Variants in KCND3 observed in about 807,000 individuals in gnomAD.
The protein encoded by KCND3 is potassium voltage-gated channel subfamily D member 3, also known as A-type voltage-gated potassium channel KCND3.
In KCND3, 9 loss-of-function variants were observed where a neutral mutation model predicts 51.1. The ratio of observed to expected loss-of-function variants is 0.18; its 90% CI spans 0.11 to 0.31. The LOEUF is 0.31. Among genes scored for constraint, KCND3 ranks in the 10% least tolerant of loss-of-function variants. The pLI is 1.00. For synonymous variants in KCND3, 349 were observed against 368.0 expected (o/e 0.95, Z 0.59); for missense variants, 526 against 903.8 (o/e 0.58, Z 5.36).
intron 2 of KCND3, among the ~76,000 whole-genome samples, chr1:111,902,946 T>C (rs1433201218): frequency 1.3e-5 from 2 of 152,216 alleles, no homozygotes; most frequent in African/African-American, 4.8e-5. Context: ...TAAAGATCCG[T>C]ATTTACATAT....
At chr1:111,889,610 A>G (rs114971571) in intron 2 of KCND3, among the ~76,000 whole-genome samples, 1 of 152,286 alleles carries the variant, frequency 6.6e-6, no homozygotes, top group African/African-American at 2.4e-5. Flanking sequence ...CCCAGGAGAC[A>G]GGTCTATGCC....
intron 2 of KCND3, among the ~76,000 whole-genome samples, chr1:111,978,589 C>G (rs1044254136): frequency 5.9e-5 from 9 of 151,976 alleles, no homozygotes; most frequent in Non-Finnish European, 1.0e-4. Flanking sequence ...GTCAGTGAAA[C>G]CTCCAGTAAA....
intron 2 of KCND3, among the ~76,000 whole-genome samples, chr1:111,968,878 C>T (rs1674169056): frequency 6.6e-6 from 1 of 152,128 alleles, no homozygotes; most frequent in Non-Finnish European, 1.5e-5. Context: ...GGGACGTCAC[C>T]AACTCCCAGT....
intron 2 of KCND3, among the ~76,000 whole-genome samples, chr1:111,923,794 T>C (rs766019925): frequency 2.0e-5 from 3 of 152,192 alleles, no homozygotes; most frequent in Non-Finnish European, 4.4e-5. Context: ...AGGGTGCTAA[T>C]GGTCAGTTGA....
At chr1:111,926,784 A>G (rs974601617) in intron 2 of KCND3, among the ~76,000 whole-genome samples, 2 of 152,282 alleles carry the variant, frequency 1.3e-5, no homozygotes, top group African/African-American at 2.4e-5. Flanking sequence ...GGGCTGACGC[A>G]GGCAGCTGCG....
At chr1:111,914,356 A>G (rs556044994) in intron 2 of KCND3, among the ~76,000 whole-genome samples, 1 of 152,170 alleles carries the variant, frequency 6.6e-6, no homozygotes, top group South Asian at 2.1e-4. Context: ...GTCCCCAAAA[A>G]GAAGAGAAAC....
chr1:111,874,728 C>T (rs535208644), intron 2 of KCND3, among the ~76,000 whole-genome samples: 2 of 152,196 alleles, frequency 1.3e-5, no homozygotes, highest in Non-Finnish European at 2.9e-5. Context: ...AACCAACCCC[C>T]TATCCCCCAA....
At chr1:111,979,000 A>C (rs1674797125) in intron 2 of KCND3, among the ~76,000 whole-genome samples, 1 of 152,198 alleles carries the variant, frequency 6.6e-6, no homozygotes, top group African/African-American at 2.4e-5. Context: ...TTGCTTTCTC[A>C]TTACTTATCT....
intron 2 of KCND3, among the ~76,000 whole-genome samples, chr1:111,979,607 A>G (rs886705210): frequency 1.3e-5 from 2 of 152,336 alleles, no homozygotes; most frequent in Admixed American, 6.5e-5. Context: ...GCATTGGAGC[A>G]GCCAGATTGG....
intron 2 of KCND3, among the ~76,000 whole-genome samples, chr1:111,955,917 G>A (rs1045108258): frequency 1.6e-4 from 25 of 152,242 alleles, no homozygotes; most frequent in Middle Eastern, 3.4e-3. Context: ...TAGTTGTAGC[G>A]GCAGTAACAG....
chr1:111,920,708 C>T (rs1671437645), intron 2 of KCND3, among the ~76,000 whole-genome samples: 1 of 152,222 alleles, frequency 6.6e-6, no homozygotes, highest in Non-Finnish European at 1.5e-5. Context: ...CGGGTCCCCA[C>T]TCACGCTGAA....
At chr1:111,932,890 C>G (rs1672047831) in intron 2 of KCND3, among the ~76,000 whole-genome samples, 1 of 152,268 alleles carries the variant, frequency 6.6e-6, no homozygotes, top group Admixed American at 6.5e-5. Flanking sequence ...CACTGGGTTC[C>G]AGTCCAGACC....
chr1:111,822,207 AT>A (rs1166938839), intron 2 of KCND3, among the ~76,000 whole-genome samples: 1 of 152,078 alleles, frequency 6.6e-6, no homozygotes, highest in Non-Finnish European at 1.5e-5. Flanking sequence ...CGTGTAAGCA[AT>A]TTTTTAACTG....
At chr1:111,791,545 G>A (rs918446172) in intron 2 of KCND3, among the ~76,000 whole-genome samples, 1 of 152,188 alleles carries the variant, frequency 6.6e-6, no homozygotes, top group Non-Finnish European at 1.5e-5. Flanking sequence ...CTTTCCTGTC[G>A]CTTAGCTGTT....
At chr1:111,888,472 G>T (rs112706866) in intron 2 of KCND3, among the ~76,000 whole-genome samples, 1,549 of 152,228 alleles carry the variant, frequency 0.01, 22 homozygotes, top group African/African-American at 0.036. Flanking sequence ...GATCACCTGA[G>T]GTCAGGCGTT....
At chr1:111,792,471 T>C (rs1227508674) in intron 2 of KCND3, among the ~76,000 whole-genome samples, 1 of 152,190 alleles carries the variant, frequency 6.6e-6, no homozygotes, top group Admixed American at 6.5e-5. Context: ...AGAGAGAGGA[T>C]GGCTGTGGAA....
At chr1:111,817,202 A>C (rs1220622357) in intron 2 of KCND3, among the ~76,000 whole-genome samples, 1 of 148,608 alleles carries the variant, frequency 6.7e-6, no homozygotes, top group Non-Finnish European at 1.5e-5. Context: ...AAAAAAAATG[A>C]AGTGGGGTAG....
Position 111,902,226 on chromosome 1 carries a change from C to T in KCND3, c.1106+79395G>A, listed in dbSNP as rs141556904. Among the ~76,000 whole-genome samples the T allele has an allele frequency of 1.2e-4, 19 of 152,248 alleles. 1 individual carries two copies. Among genetic ancestry groups the T allele is most frequent in the African/African-American group, 4.1e-4 (17 of 41,532 alleles). On this transcript the variant is annotated intron_variant, in intron 2 of 7. Coordinates refer to ENST00000302127, the MANE Select transcript of KCND3 (RefSeq NM_001378969.1). ...GGTCCAGGCCTCTGGGGAGCTAATA[C>T]GTGGGACACTTTGTACTGCAAGTCA...
intron 2 of KCND3, among the ~76,000 whole-genome samples, chr1:111,942,901 C>A (rs1365793196): frequency 1.3e-5 from 2 of 152,192 alleles, no homozygotes; most frequent in Non-Finnish European, 2.9e-5. Context: ...GGCCTTCTTT[C>A]TGACACAAAA....
Sources: allele counts gnomAD v4.1 joint callset (sites outside exome capture counted in the v4.1 genomes callset), GRCh38; gene constraint gnomAD v4.1.1; transcripts MANE v1.5; gene names NCBI Gene and HGNC (gene_info 2026-07-23, HGNC 2026-07-21).